DHRSX: variants seen among roughly 807,000 people sequenced by gnomAD.
The protein encoded by DHRSX is dehydrogenase/reductase X-linked, also known as polyprenol dehydrogenase.
A neutral mutation model predicts 34.0 loss-of-function variants in DHRSX; 31 were observed. That is an observed-to-expected ratio of 0.91 (90% CI 0.69 to 1.23). The LOEUF is 1.23. DHRSX is among the 50% of genes most tolerant of loss of function. DHRSX has a pLI of 0.00. For synonymous variants in DHRSX, 201 were observed against 183.8 expected, an observed-to-expected ratio of 1.09 and a Z score of -0.76; for missense variants, 414 against 428.1, an observed-to-expected ratio of 0.97 and a Z score of 0.29.
chrX:2,325,765 A>C (rs1444070775), intron 3 of DHRSX, among the ~76,000 whole-genome samples: 1 of 152,198 alleles, frequency 6.6e-6, no homozygotes, highest in Non-Finnish European at 1.5e-5. Flanking sequence ...CGCCTCCTCA[A>C]ACTGGACTAT....
chrX:2,269,037 A>T (rs917133753), intron 4 of DHRSX, among the ~76,000 whole-genome samples: 2 of 152,180 alleles, frequency 1.3e-5, no homozygotes, highest in African/African-American at 4.8e-5. Context: ...ATATTTGTAG[A>T]TCTATTTCTG....
At chrX:2,265,783 C>T (rs1316760063) in intron 5 of DHRSX, among the ~76,000 whole-genome samples, 14 of 122,666 alleles carry the variant, frequency 1.1e-4, no homozygotes, top group South Asian at 2.8e-4. Flanking sequence ...GGAGCACTGT[C>T]CCCAGAGCAC....
intron 3 of DHRSX, among the ~76,000 whole-genome samples, chrX:2,383,122 C>T (rs2043232551): frequency 2.0e-5 from 3 of 151,226 alleles, no homozygotes; most frequent in South Asian, 4.2e-4. Flanking sequence ...TCTATCACCA[C>T]CACCATTGTC....
chrX:2,228,650 T>A (rs1296317954), intron 6 of DHRSX, among the ~76,000 whole-genome samples: 1 of 151,904 alleles, frequency 6.6e-6, no homozygotes. Context: ...GTGGTGACTC[T>A]GAGAATTCTG....
chrX:2,238,860 C>T (rs1029023463), intron 6 of DHRSX, among the ~76,000 whole-genome samples: 4 of 151,890 alleles, frequency 2.6e-5, no homozygotes, highest in Non-Finnish European at 4.4e-5. Flanking sequence ...GCTGGGATTA[C>T]AGGCATGAGA....
chrX:2,408,705 A>G, intron 3 of DHRSX, 40 bp downstream of exon 3: 1 of 1,574,298 alleles, frequency 6.4e-7, no homozygotes, highest in Non-Finnish European at 8.6e-7. Context: ...CCCAAGGAAA[A>G]AAAAAAACAA....
chrX:2,370,933 C>T (rs574613979), intron 3 of DHRSX, among the ~76,000 whole-genome samples: 1 of 152,240 alleles, frequency 6.6e-6, no homozygotes, highest in Admixed American at 6.5e-5. Flanking sequence ...TCGAACGACC[C>T]CAATCACGGT....
intron 3 of DHRSX, among the ~76,000 whole-genome samples, chrX:2,354,525 A>G (rs965352263): frequency 6.6e-6 from 1 of 152,026 alleles, no homozygotes; most frequent in African/African-American, 2.4e-5. Context: ...GCAGTGGCGC[A>G]ATCTCGGCTC....
At chrX:2,283,229 C>T (rs943811253) in intron 4 of DHRSX, among the ~76,000 whole-genome samples, 1 of 151,818 alleles carries the variant, frequency 6.6e-6, no homozygotes, top group Non-Finnish European at 1.5e-5. Flanking sequence ...AACAGCCTGC[C>T]GCAGAGTCAC....
chrX:2,367,304 G>A (rs1307582898), intron 3 of DHRSX, among the ~76,000 whole-genome samples: 2 of 151,962 alleles, frequency 1.3e-5, no homozygotes, highest in African/African-American at 2.4e-5. Flanking sequence ...CACGCGTGGT[G>A]GTAGGTGCCT....
Position 2,291,506 on chromosome X carries a change from G to T in DHRSX, c.384C>A (p.Asn128Lys), listed in dbSNP as rs2041864685. 1 of 1,613,016 alleles carries T rather than the reference G, an allele frequency of 6.2e-7. No homozygotes were observed. The highest frequency in any genetic ancestry group is 1.1e-5 in the South Asian group (1 of 91,042). ...TGCAATTTCACCAGGACTCACCATT[G>T]TTGATCAGGACATGGAGAGGAATCT... ...MKKIPLHVLI[N>K]NAGVMMVPQR... The change falls in exon 4 of 7, where the codon AAC becomes AAA. Residue 128 changes from asparagine to lysine, a missense_variant. Asn to Lys is a moderately conservative substitution (Grantham distance 94, BLOSUM62 0). Transcript: ENST00000334651.
chrX:2,302,438 T>C (rs36051264), intron 3 of DHRSX, among the ~76,000 whole-genome samples: 65,422 of 151,728 alleles, frequency 0.43, 14,742 homozygotes, highest in Middle Eastern at 0.55. Flanking sequence ...ACGGTGAAAC[T>C]GCATCTCTAC....
At chrX:2,301,772 G>C (rs1602900085) in intron 3 of DHRSX, among the ~76,000 whole-genome samples, 2 of 152,220 alleles carry the variant, frequency 1.3e-5, no homozygotes, top group Admixed American at 1.3e-4. Context: ...CTGAGTAGCT[G>C]GGACTACAGG....
At chrX:2,267,946 C>G (rs1331100180) in intron 4 of DHRSX, among the ~76,000 whole-genome samples, 1 of 152,044 alleles carries the variant, frequency 6.6e-6, no homozygotes, top group Non-Finnish European at 1.5e-5. Flanking sequence ...CTGTCTCCCC[C>G]CAGAATTCTG....
At chrX:2,420,199 G>C in intron 2 of DHRSX, among the ~76,000 whole-genome samples, 2 of 151,582 alleles carry the variant, frequency 1.3e-5, no homozygotes, top group Admixed American at 1.3e-4. Context: ...ACGAGGTCAA[G>C]AGATCAAGAC....
intron 3 of DHRSX, among the ~76,000 whole-genome samples, chrX:2,386,607 C>A (rs943988090): frequency 6.6e-6 from 1 of 152,166 alleles, no homozygotes; most frequent in African/African-American, 2.4e-5. Flanking sequence ...TCTGTAATTC[C>A]ATTTGCATGA....
intron 6 of DHRSX, among the ~76,000 whole-genome samples, chrX:2,229,358 A>G (rs2015810645): frequency 6.6e-6 from 1 of 152,044 alleles, no homozygotes; most frequent in African/African-American, 2.4e-5. Context: ...TGTTCTGAAC[A>G]TTCTACAAAG....
At chrX:2,295,923 G>A (rs1046771454) in intron 3 of DHRSX, among the ~76,000 whole-genome samples, 2 of 151,996 alleles carry the variant, frequency 1.3e-5, no homozygotes, top group African/African-American at 2.4e-5. Flanking sequence ...CCTCCCATAC[G>A]TAGCCCATTC....
intron 3 of DHRSX, among the ~76,000 whole-genome samples, chrX:2,360,983 G>A (rs2042926530): frequency 6.6e-6 from 1 of 152,162 alleles, no homozygotes; most frequent in South Asian, 2.1e-4. Context: ...CTCTTTGTGT[G>A]TTTAGTGATG....
Sources: gnomAD v4.1 joint callset for allele counts (sites outside exome capture counted in the v4.1 genomes callset) on GRCh38, gnomAD v4.1.1 for gene constraint, MANE v1.5 for transcripts, NCBI Gene and HGNC (gene_info 2026-07-23, HGNC 2026-07-21) for gene names.